Variants in CDKAL1 observed in about 807,000 individuals in gnomAD.
The protein encoded by CDKAL1 is CDKAL1 threonylcarbamoyladenosine tRNA methylthiotransferase.
Under a neutral mutation model 68.2 loss-of-function variants are expected in CDKAL1, and 32 were observed. The ratio of observed to expected loss-of-function variants is 0.47; its 90% CI spans 0.35 to 0.63. The LOEUF (loss-of-function observed/expected upper bound fraction) is 0.63, where lower values mean the gene tolerates loss of function less well. Ranked by LOEUF, CDKAL1 falls within the 30% of genes least tolerant of loss-of-function variation. CDKAL1 has a pLI of 0.00. For missense variants in CDKAL1, 606 were observed against 696.7 expected, an observed-to-expected ratio of 0.87 and a Z score of 1.47; for synonymous variants, 234 against 244.3, an observed-to-expected ratio of 0.96 and a Z score of 0.39.
intron 11 of CDKAL1, among the ~76,000 whole-genome samples, chr6:21,016,071 C>T (rs1234497511): frequency 6.6e-6 from 1 of 151,730 alleles, no homozygotes; most frequent in Non-Finnish European, 1.5e-5. Context: ...AATATGTTCA[C>T]TGCCTTCAAA....
At position 20,861,701 on chromosome 6, in the gene CDKAL1, T is replaced by A. The variant is rs369894363; in HGVS notation, c.742+15523T>A. Among the ~76,000 whole-genome samples, 252 of 152,304 alleles carry A rather than the reference T, an allele frequency of 1.7e-3. 8 individuals are homozygous for A. In the South Asian group the frequency reaches 0.049, roughly 30 times the overall value. ...CTTTGGCTAGCAGTACATTAGAAAGTGTGATGCAGGCAGAGGTTTGATAAG... is the reference window on the plus strand; with the variant it reads ...CTTTGGCTAGCAGTACATTAGAAAGAGTGATGCAGGCAGAGGTTTGATAAG... On this transcript the variant is annotated intron_variant, in intron 9 of 15. Transcript: ENST00000274695.
intron 8 of CDKAL1, among the ~76,000 whole-genome samples, chr6:20,786,760 G>T (rs986300107): frequency 1.3e-5 from 2 of 152,122 alleles, no homozygotes; most frequent in African/African-American, 4.8e-5. Flanking sequence ...GCCTCCCAGT[G>T]TGCTGGAATT....
At chr6:21,109,499 T>C (rs1042338280) in intron 13 of CDKAL1, among the ~76,000 whole-genome samples, 3 of 152,316 alleles carry the variant, frequency 2.0e-5, no homozygotes, top group Non-Finnish European at 2.9e-5. Flanking sequence ...TAGTGACCAA[T>C]TGACTTAAGC....
intron 10 of CDKAL1, among the ~76,000 whole-genome samples, chr6:20,970,881 G>T (rs902840547): frequency 3.3e-5 from 5 of 152,022 alleles, no homozygotes; most frequent in African/African-American, 1.2e-4. Context: ...ACCAAGTCTC[G>T]CTCTGTCACC....
At chr6:21,185,371 T>A (rs555137695) in intron 13 of CDKAL1, among the ~76,000 whole-genome samples, 1 of 152,166 alleles carries the variant, frequency 6.6e-6, no homozygotes, top group Non-Finnish European at 1.5e-5. Context: ...CTAAGTAGAT[T>A]GATATGAAAA....
intron 9 of CDKAL1, among the ~76,000 whole-genome samples, chr6:20,909,302 G>C (rs17236121): frequency 0.011 from 1,653 of 151,998 alleles, 17 homozygotes; most frequent in Middle Eastern, 0.017. Flanking sequence ...TCTAGTACAA[G>C]AAGAAAATTG....
At chr6:21,019,475 T>C (rs1768515896) in intron 11 of CDKAL1, among the ~76,000 whole-genome samples, 1 of 152,216 alleles carries the variant, frequency 6.6e-6, no homozygotes, top group Non-Finnish European at 1.5e-5. Context: ...AGGTGCTGTG[T>C]ATAGAATTAG....
intron 9 of CDKAL1, among the ~76,000 whole-genome samples, chr6:20,846,960 A>G (rs960159479): frequency 1.6e-4 from 25 of 152,198 alleles, no homozygotes; most frequent in Non-Finnish European, 3.1e-4. Context: ...GTTATTGGCA[A>G]TGTACTTTTC....
At chr6:20,631,940 T>A (rs564492721) in intron 4 of CDKAL1, among the ~76,000 whole-genome samples, 4 of 152,338 alleles carry the variant, frequency 2.6e-5, no homozygotes, top group Admixed American at 2.6e-4. Flanking sequence ...TTTTGGTGCA[T>A]TTTCTTTTAT....
At chr6:20,904,545 T>C (rs1762148571) in intron 9 of CDKAL1, among the ~76,000 whole-genome samples, 1 of 151,840 alleles carries the variant, frequency 6.6e-6, no homozygotes, top group South Asian at 2.1e-4. Context: ...ATCCCAGCAC[T>C]TTGGGAGGCT....
intron 9 of CDKAL1, among the ~76,000 whole-genome samples, chr6:20,889,312 G>T (rs1223049453): frequency 6.6e-6 from 1 of 152,102 alleles, no homozygotes; most frequent in Non-Finnish European, 1.5e-5. Context: ...TTTCTCCCAT[G>T]TTGTAGGTTG....
intron 9 of CDKAL1, among the ~76,000 whole-genome samples, chr6:20,871,211 G>A (rs529635465): frequency 2.0e-5 from 3 of 152,172 alleles, no homozygotes; most frequent in South Asian, 4.1e-4. Flanking sequence ...TTGAAATAGC[G>A]TTATCAGTAC....
At chr6:20,761,791 CAG>C (rs1452213196) in intron 7 of CDKAL1, among the ~76,000 whole-genome samples, 3 of 152,124 alleles carry the variant, frequency 2.0e-5, no homozygotes, top group African/African-American at 2.4e-5. Context: ...AGGCAGAAAA[CAG>C]AAGATATTTA....
At chr6:20,671,128 C>A (rs773600875) in intron 5 of CDKAL1, among the ~76,000 whole-genome samples, 17 of 152,290 alleles carry the variant, frequency 1.1e-4, no homozygotes, top group Non-Finnish European at 2.1e-4. Context: ...CACTTTATAT[C>A]CTTACCACCA....
chr6:20,647,646 T>C (rs988825846), intron 4 of CDKAL1, among the ~76,000 whole-genome samples: 1 of 152,180 alleles, frequency 6.6e-6, no homozygotes, highest in Non-Finnish European at 1.5e-5. Flanking sequence ...TAGGATCAGA[T>C]TGATAGTAGA....
chr6:20,738,311 A>G (rs781247466), intron 5 of CDKAL1, among the ~76,000 whole-genome samples: 28 of 152,152 alleles, frequency 1.8e-4, no homozygotes, highest in Non-Finnish European at 3.5e-4. Context: ...GAGAGGATAT[A>G]AGTTCTGCTT....
At chr6:21,164,073 G>A (rs1331956416) in intron 13 of CDKAL1, among the ~76,000 whole-genome samples, 1 of 151,984 alleles carries the variant, frequency 6.6e-6, no homozygotes, top group Non-Finnish European at 1.5e-5. Context: ...GCTCCTAATT[G>A]TTGGTCTACT....
At chr6:20,693,983 C>T (rs1251021733) in intron 5 of CDKAL1, among the ~76,000 whole-genome samples, 1 of 151,570 alleles carries the variant, frequency 6.6e-6, no homozygotes, top group Non-Finnish European at 1.5e-5. Flanking sequence ...GAGGATCCTC[C>T]CACTTCAGCC....
At position 20,593,278 on chromosome 6, in the gene CDKAL1, G is replaced by A. The variant is rs375879337; in HGVS notation, c.286+44573G>A. Among the ~76,000 whole-genome samples the A allele has an allele frequency of 3.5e-4, 54 of 152,194 alleles. No homozygotes were observed. The South Asian group carries it at 1.0e-2, about 28-fold the overall frequency. ...CCTCTTTGTACCTCCAGTAGAATTCGGCTGTGAATCCATGTGGTCCTGGGC... is the reference window on the plus strand; with the variant it reads ...CCTCTTTGTACCTCCAGTAGAATTCAGCTGTGAATCCATGTGGTCCTGGGC... On this transcript the variant is annotated intron_variant, in intron 4 of 15. Coordinates refer to ENST00000274695, the MANE Select transcript of CDKAL1 (RefSeq NM_017774.3).
Sources: allele counts gnomAD v4.1 joint callset (sites outside exome capture counted in the v4.1 genomes callset), GRCh38; gene constraint gnomAD v4.1.1; transcripts MANE v1.5; gene names NCBI Gene and HGNC (gene_info 2026-07-23, HGNC 2026-07-21).